Variants in VAMP7 observed in about 807,000 individuals in gnomAD.
VAMP7 encodes the protein vesicle associated membrane protein 7.
In VAMP7, 14 loss-of-function variants were observed where a neutral mutation model predicts 29.6. That is an observed-to-expected ratio of 0.47 (90% CI 0.31 to 0.74). The LOEUF (loss-of-function observed/expected upper bound fraction) is 0.74, where lower values mean the gene tolerates loss of function less well. Among genes scored for constraint, VAMP7 ranks in the 30% least tolerant of loss-of-function variants. The pLI is 0.05. For synonymous variants in VAMP7, 95 were observed against 88.1 expected, an observed-to-expected ratio of 1.08 and a Z score of -0.44; for missense variants, 223 against 262.4, an observed-to-expected ratio of 0.85 and a Z score of 1.04.
intron 6 of VAMP7, among the ~76,000 whole-genome samples, chrX:155,931,623 G>GCCC (rs2066556989): frequency 6.6e-6 from 1 of 152,200 alleles, no homozygotes; most frequent in Admixed American, 6.5e-5. Context: ...CCCTTTGTCA[G>GCCC]ATGAGTAGAT....
chrX:155,927,419 A>G (rs2066485006), intron 6 of VAMP7, among the ~76,000 whole-genome samples: 1 of 150,582 alleles, frequency 6.6e-6, no homozygotes, highest in Non-Finnish European at 1.5e-5. Context: ...AAAAAAAAAA[A>G]ACAAACCAGA....
chrX:155,898,754 T>C (rs754394339), intron 4 of VAMP7, among the ~76,000 whole-genome samples: 35 of 152,094 alleles, frequency 2.3e-4, no homozygotes, highest in African/African-American at 8.4e-4. Flanking sequence ...CTCATATCCC[T>C]TACCAGTTGG....
chrX:155,884,349 A>G (rs1252108607), intron 1 of VAMP7, among the ~76,000 whole-genome samples: 1 of 150,450 alleles, frequency 6.6e-6, no homozygotes, highest in East Asian at 2.0e-4. Context: ...CTGGTCTCGA[A>G]CTCCTGACCT....
At chrX:155,929,862 A>G (rs2066522834) in intron 6 of VAMP7, among the ~76,000 whole-genome samples, 1 of 152,158 alleles carries the variant, frequency 6.6e-6, no homozygotes. Flanking sequence ...ACTTAATGGC[A>G]CCAACTGCAA....
chrX:155,927,481 CAAAAAAAAAAAAA>C (rs531998416), intron 6 of VAMP7, among the ~76,000 whole-genome samples: 76 of 111,596 alleles, frequency 6.8e-4, no homozygotes, highest in Non-Finnish European at 8.8e-4. Flanking sequence ...TTCGATTTGC[CAAAAAAAAAAAAA>C]AAAAAAAAAA....
At chrX:155,936,078 T>C (rs761909928) in intron 6 of VAMP7, among the ~76,000 whole-genome samples, 1 of 180 alleles carries the variant, frequency 5.6e-3, no homozygotes, top group South Asian at 0.17. Flanking sequence ...CTCAGAGGGG[T>C]ACCCGCCGTG....
At chrX:155,933,131 C>T (rs1367311611) in intron 6 of VAMP7, among the ~76,000 whole-genome samples, 6 of 152,070 alleles carry the variant, frequency 3.9e-5, no homozygotes, top group East Asian at 1.9e-4. Context: ...ATTTTTGCGT[C>T]GGTGTTCATT....
At chrX:155,884,497 T>C (rs2065843409) in intron 1 of VAMP7, among the ~76,000 whole-genome samples, 1 of 152,224 alleles carries the variant, frequency 6.6e-6, no homozygotes, top group Non-Finnish European at 1.5e-5. Context: ...AAATTTTGTC[T>C]TTATAACTGA....
intron 1 of VAMP7, among the ~76,000 whole-genome samples, chrX:155,886,781 C>G (rs2124221573): frequency 6.6e-6 from 1 of 152,266 alleles, no homozygotes; most frequent in African/African-American, 2.4e-5. Context: ...TCAAGACACC[C>G]TATTTCTTAA....
At position 155,942,276 on chromosome X, in the gene VAMP7, T is replaced by G; in HGVS notation, c.*325T>G. The stretch of plus-strand genomic sequence containing the variant: ...CTCAAAGCTGTCGCCGCTAGTCTTA[T>G]GAGCTATCTACTAAAACTATGGAGA... On this transcript the variant is annotated 3_prime_UTR_variant, in exon 8 of 8. Transcript: ENST00000286448. 1 of 1,098,252 alleles carries G rather than the reference T, an allele frequency of 9.1e-7. No homozygotes were observed. Among genetic ancestry groups the G allele is most frequent in the East Asian group, 2.6e-5 (1 of 38,608 alleles). 68.0% of individuals were successfully genotyped at this position (1,098,252 alleles called of 1,614,324 possible).
intron 5 of VAMP7, among the ~76,000 whole-genome samples, chrX:155,906,059 TC>T (rs1409763995): frequency 2.6e-5 from 4 of 152,302 alleles, no homozygotes; most frequent in Admixed American, 2.6e-4. Context: ...TTTAATTTTT[TC>T]CAACAATGTT....
At chrX:155,911,890 A>G (rs1296001930) in intron 5 of VAMP7, among the ~76,000 whole-genome samples, 6 of 152,140 alleles carry the variant, frequency 3.9e-5, no homozygotes, top group Admixed American at 1.3e-4. Flanking sequence ...ACATAAGATC[A>G]TATCATCTGC....
At chrX:155,904,398 G>A (rs1349755601) in intron 5 of VAMP7, among the ~76,000 whole-genome samples, 1 of 151,602 alleles carries the variant, frequency 6.6e-6, no homozygotes, top group Non-Finnish European at 1.5e-5. Flanking sequence ...AATGTGACAA[G>A]AACATTCCTA....
At chrX:155,933,311 C>G (rs758841187) in intron 6 of VAMP7, among the ~76,000 whole-genome samples, 5 of 152,080 alleles carry the variant, frequency 3.3e-5, no homozygotes, top group Non-Finnish European at 7.4e-5. Context: ...TGGTAGAATT[C>G]GGCTGTGAAT....
intron 2 of VAMP7, 68 bp from the exon 3 acceptor site, chrX:155,895,551 CATAG>C (rs1487737041): frequency 3.5e-6 from 4 of 1,154,554 alleles, no homozygotes; most frequent in East Asian, 2.4e-5. Context: ...CGTGCTTATA[CATAG>C]ATAGAAGATA....
chrX:155,910,002 CTT>C (rs2066214103), intron 5 of VAMP7, among the ~76,000 whole-genome samples: 1 of 151,724 alleles, frequency 6.6e-6, no homozygotes, highest in Non-Finnish European at 1.5e-5. Flanking sequence ...CTATTGTTAA[CTT>C]TAGTCACCCT....
chrX:155,882,680 A>G, intron 1 of VAMP7, among the ~76,000 whole-genome samples: 2 of 152,354 alleles, frequency 1.3e-5, no homozygotes, highest in Middle Eastern at 6.8e-3. Flanking sequence ...TTACTTAGAA[A>G]GATAGTTTGG....
chrX:155,905,295 C>G (rs950367508), intron 5 of VAMP7, among the ~76,000 whole-genome samples: 3 of 151,950 alleles, frequency 2.0e-5, no homozygotes, highest in Admixed American at 6.6e-5. Flanking sequence ...TGAGCTATAA[C>G]AGTACTTTAT....
At chrX:155,931,000 G>A (rs2066544200) in intron 6 of VAMP7, among the ~76,000 whole-genome samples, 2 of 151,460 alleles carry the variant, frequency 1.3e-5, no homozygotes, top group Admixed American at 1.3e-4. Flanking sequence ...TGAGAATGAT[G>A]GTTTCCAGCT....
Sources: allele counts gnomAD v4.1 joint callset (sites outside exome capture counted in the v4.1 genomes callset), GRCh38; gene constraint gnomAD v4.1.1; transcripts MANE v1.5; gene names NCBI Gene and HGNC (gene_info 2026-07-23, HGNC 2026-07-21).